MYCBP2: variants seen among roughly 807,000 people sequenced by gnomAD.
MYCBP2 encodes the protein MYC binding protein 2.
A neutral mutation model predicts 525.3 loss-of-function variants in MYCBP2; 120 were observed. The ratio of observed to expected loss-of-function variants is 0.23; its 90% CI spans 0.20 to 0.27. The LOEUF is 0.27. Ranked by LOEUF, MYCBP2 falls within the 10% of genes least tolerant of loss-of-function variation. The probability of loss-of-function intolerance (pLI) is 1.00; values close to 1 mark genes in which losing one functional copy is unlikely to be tolerated. For missense variants in MYCBP2, 4,149 were observed against 5,657.1 expected (o/e 0.73, Z 8.55); for synonymous variants, 1,894 against 1,955.8 (o/e 0.97, Z 0.83).
Position 77,185,920 on chromosome 13 carries a change from A to G in MYCBP2, c.4395T>C (p.Cys1465=). Residue 1465 remains cysteine, a synonymous_variant, in exon 31 of 83, where the codon TGT becomes TGC. Coordinates refer to ENST00000544440, the MANE Select transcript of MYCBP2 (RefSeq NM_015057.5). ...TATAGACACGCAATAACCTCAGACA[A>G]CAGGTACCCACAAAGCGCAGTCTCT... ...DLERLRFVGT[C]CLRLLRVYTC... The G allele has an allele frequency of 6.2e-7, 1 of 1,612,840 alleles. No homozygotes were observed. The highest frequency in any genetic ancestry group is 1.1e-5 in the South Asian group (1 of 90,834).
intron 55 of MYCBP2, among the ~76,000 whole-genome samples, chr13:77,113,154 C>T (rs1779404737): frequency 6.6e-6 from 1 of 152,084 alleles, no homozygotes. Context: ...AGTTGGAATG[C>T]TCCATTAACC....
At chr13:77,103,223 G>C in intron 55 of MYCBP2, 1 of 397,832 alleles carries the variant, frequency 2.5e-6, no homozygotes, top group Non-Finnish European at 4.4e-6. Flanking sequence ...CAGTTTGTGA[G>C]ACAGAGATGA....
intron 70 of MYCBP2, 109 bp downstream of exon 70, chr13:77,068,456 G>A (rs2040567597): frequency 9.3e-6 from 12 of 1,286,180 alleles, no homozygotes; most frequent in South Asian, 4.7e-5. Flanking sequence ...AACAAAATAC[G>A]AAATAAAAAT....
At chr13:77,167,225 A>G (rs2058649138) in intron 40 of MYCBP2, among the ~76,000 whole-genome samples, 1 of 152,176 alleles carries the variant, frequency 6.6e-6, no homozygotes, top group African/African-American at 2.4e-5. Flanking sequence ...ATATACATTT[A>G]TGTATATACA....
intron 4 of MYCBP2, 44 bp from the exon 5 acceptor site, chr13:77,273,712 A>G: frequency 7.5e-7 from 1 of 1,334,368 alleles, no homozygotes; most frequent in South Asian, 2.0e-5. Flanking sequence ...CAACATACGG[A>G]ACATTATATG....
At chr13:77,172,597 T>C (rs1459193398) in intron 37 of MYCBP2, among the ~76,000 whole-genome samples, 3 of 152,176 alleles carry the variant, frequency 2.0e-5, no homozygotes, top group African/African-American at 4.8e-5. Context: ...GTCTAGACTA[T>C]TAAATATGGA....
Position 77,158,070 on chromosome 13 carries a change from C to G in MYCBP2, c.6637G>C (p.Ala2213Pro), listed in dbSNP as rs1332304704. ...THSGILGKGL[A>P]LSHSPTILEA... is the part of the protein sequence containing the mutation. ...AATATAGTTGGTGAATGAGAAAGAG[C>G]TAGACCCTTTCCAAGAATTCCAGAA... Residue 2213 changes from alanine (A) to proline (P), a missense_variant, in exon 45 of 83, where the codon GCT becomes CCT. Physicochemically the swap from Ala to Pro is conservative, Grantham distance 27 (BLOSUM62 -1). Around this residue, in one of 21 missense-constraint regions of MYCBP2, gnomAD observed 692 missense variants for 852.7 expected, o/e 0.81. Transcript: ENST00000544440. 1.2e-6 allele frequency: 2 copies of G among 1,604,856 alleles called. No individual in the cohort carries two copies. The highest frequency in any genetic ancestry group is 2.7e-5 in the African/African-American group (2 of 74,650).
At chr13:77,215,010 CAAG>C (rs2064615333) in intron 21 of MYCBP2, among the ~76,000 whole-genome samples, 1 of 151,878 alleles carries the variant, frequency 6.6e-6, no homozygotes, top group South Asian at 2.1e-4. Context: ...AGAAGAAACA[CAAG>C]AAGAATAAAC....
intron 1 of MYCBP2, among the ~76,000 whole-genome samples, chr13:77,316,426 G>C (rs1307764130): frequency 6.6e-6 from 1 of 152,170 alleles, no homozygotes. Context: ...ATTGGAACTA[G>C]GGAAGAGTCT....
rs1488198760 is a variant in MYCBP2 at position 77,125,458 on chromosome 13, G to T, written c.7895C>A (p.Ser2632Tyr). Reference protein sequence around the residue: ...KVKAVGEVTNSEGTWVQLDQN... With the variant: ...KVKAVGEVTNYEGTWVQLDQN... ...ATCCAGTTGCACCCATGTCCCTTCA[G>T]AATTGGTTACCTGGTACATAACAAA... Residue 2632 changes from serine to tyrosine, a missense_variant, in exon 54 of 83, where the codon TCT becomes TAT. Physicochemically the swap from Ser to Tyr is moderately radical, Grantham distance 144. Around this residue, in one of 21 missense-constraint regions of MYCBP2, gnomAD observed 653 missense variants for 744.7 expected, o/e 0.88. Coordinates refer to ENST00000544440, the MANE Select transcript of MYCBP2 (RefSeq NM_015057.5). 2 of 1,613,368 alleles carry T rather than the reference G, an allele frequency of 1.2e-6. No homozygotes were observed. Among genetic ancestry groups the T allele is most frequent in the African/African-American group, 2.7e-5 (2 of 74,878 alleles).
Position 77,217,964 on chromosome 13 carries a change from T to C in MYCBP2, c.2940-7A>G, listed in dbSNP as rs79698158. On this transcript the variant is annotated splice_polypyrimidine_tract_variant and splice_region_variant and intron_variant, in intron 20 of 82. Coordinates refer to ENST00000544440, the MANE Select transcript of MYCBP2 (RefSeq NM_015057.5). ...AACAAGAGTGGGACATCCCCTAGGT[T>C]AAAAAAAAAAAAAGTAAGTCAATTT... is the stretch of plus-strand genomic sequence containing the variant. 5.6e-3 allele frequency: 7,814 copies of C among 1,403,100 alleles called. 73 individuals are homozygous for C. The East Asian group carries it at 0.13, about 23-fold the overall frequency. The allele number at this position is 1,403,100 out of a possible 1,614,324, so 86.9% of individuals were successfully genotyped here.
rs774718748 is a variant in MYCBP2, at chr13:77,098,854, C to T, written c.8300G>A (p.Ser2767Asn). 4 of 1,613,570 alleles carry T rather than the reference C, an allele frequency of 2.5e-6. No individual in the cohort carries two copies. The highest frequency in any genetic ancestry group is 1.6e-4 in the Middle Eastern group (1 of 6,078). ...KPRGTESLSA[S>N]ESLILKSDAA... ...ATCAGATTTTAAGATGAGGGATTCA[C>T]TAGCAGATAAACTTTCTGTGCCCCT... is the stretch of plus-strand genomic sequence containing the variant. The change falls in exon 56 of 83, where the codon AGT becomes AAT. Residue 2767 changes from serine to asparagine, a missense_variant. This residue lies in a region of MYCBP2 where 653 missense variants were observed against 744.7 expected (regional missense o/e 0.88). Coordinates refer to ENST00000544440, the MANE Select transcript of MYCBP2 (RefSeq NM_015057.5).
intron 63 of MYCBP2, among the ~76,000 whole-genome samples, chr13:77,082,674 T>C (rs913239127): frequency 6.6e-6 from 1 of 152,176 alleles, no homozygotes. Flanking sequence ...TCCCCAAGAT[T>C]CTTTTCAAGT....
intron 17 of MYCBP2, 63 bp downstream of exon 17, chr13:77,242,996 T>C: frequency 1.5e-6 from 2 of 1,360,768 alleles, no homozygotes; most frequent in Non-Finnish European, 2.1e-6. Flanking sequence ...AACTTTTCAG[T>C]GGTTTCAGGA....
At chr13:77,159,047 T>G (rs1448985613) in intron 44 of MYCBP2, among the ~76,000 whole-genome samples, 1 of 152,020 alleles carries the variant, frequency 6.6e-6, no homozygotes, top group African/African-American at 2.4e-5. Context: ...CAGTAAGATT[T>G]TTTCATAGAA....
intron 50 of MYCBP2, 23 bp from the exon 51 acceptor site, chr13:77,140,186 G>A (rs750321479): frequency 6.8e-7 from 1 of 1,466,550 alleles, no homozygotes; most frequent in Non-Finnish European, 9.4e-7. Flanking sequence ...AAGATAAACA[G>A]TGAGGTAGGA....
chr13:77,226,793 G>T (rs909298453), intron 18 of MYCBP2, among the ~76,000 whole-genome samples: 2 of 151,876 alleles, frequency 1.3e-5, no homozygotes, highest in Admixed American at 1.3e-4. Flanking sequence ...AACTCTTTAC[G>T]ACACTAGGAC....
chr13:77,272,722 G>T lies in MYCBP2; in HGVS notation c.945+750C>A, dbSNP rs547808485. 2.5e-4 allele frequency among the ~76,000 whole-genome samples: 38 copies of T among 152,234 alleles called. No individual in the cohort carries two copies. In the South Asian group the frequency reaches 7.7e-3, roughly 31 times the overall value. On this transcript the variant is annotated intron_variant, in intron 5 of 82. Transcript: ENST00000544440. Reference sequence around the variant, plus strand: ...AAGGGAATGGGTCTTGTTTGACCAGGAGAGTTCAAAATCACTGAATAAGAC... The same window carrying T: ...AAGGGAATGGGTCTTGTTTGACCAGTAGAGTTCAAAATCACTGAATAAGAC...
chr13:77,150,932 G>T lies in MYCBP2; in HGVS notation c.6933C>A (p.Val2311=). Residue 2311 remains valine (V), a synonymous_variant, in exon 47 of 83, where the codon GTC becomes GTA. Coordinates refer to ENST00000544440, the MANE Select transcript of MYCBP2 (RefSeq NM_015057.5). ...AAGACATTTTTTTCTGAGAAACAGG[G>T]ACAGCTTTCACTTCCACCTAAACAT... ...VPNMKVEVKA[V]PVSQKKMSLQ... 1 of 1,613,886 alleles carries T rather than the reference G, an allele frequency of 6.2e-7. No individual in the cohort carries two copies. The highest frequency in any genetic ancestry group is 8.5e-7 in the Non-Finnish European group (1 of 1,179,888).
Sources: gnomAD v4.1 joint callset for allele counts (sites outside exome capture counted in the v4.1 genomes callset) on GRCh38, gnomAD v4.1.1 for gene constraint, gnomAD v4.1.1 regional missense constraint, MANE v1.5 for transcripts, NCBI Gene and HGNC (gene_info 2026-07-23, HGNC 2026-07-21) for gene names.